PC: variants seen among roughly 807,000 people sequenced by gnomAD.
PC encodes pyruvate carboxylase, mitochondrial.
PC carries 46 observed loss-of-function variants against 107.8 expected under a neutral mutation model. The ratio of observed to expected loss-of-function variants is 0.43; its 90% CI spans 0.34 to 0.55. The LOEUF (loss-of-function observed/expected upper bound fraction) is 0.55, where lower values mean the gene tolerates loss of function less well. Ranked by LOEUF, PC falls within the 20% of genes least tolerant of loss-of-function variation. The pLI is 0.04. For synonymous variants in PC, 662 were observed against 684.7 expected, an observed-to-expected ratio of 0.97 and a Z score of 0.52; for missense variants, 1,241 against 1,643.1, an observed-to-expected ratio of 0.76 and a Z score of 4.23.
At position 66,851,928 on chromosome 11, in the gene PC, G is replaced by C. The variant is rs1363658455; in HGVS notation, c.1844C>G (p.Ala615Gly). 2 of 1,613,918 alleles carry C rather than the reference G, an allele frequency of 1.2e-6. No individual in the cohort carries two copies. The highest frequency in any genetic ancestry group is 1.7e-6 in the Non-Finnish European group (2 of 1,180,026). Reference protein sequence around the residue: ...ENWGGATFDVAMRFLYECPWR... With the variant: ...ENWGGATFDVGMRFLYECPWR... ...GGGGCACTCATACAGGAAGCGCATG[G>C]CGACGTCAAACGTGGCTCCTGCACA... is the stretch of plus-strand genomic sequence containing the variant. Residue 615 changes from alanine (A) to glycine (G), a missense_variant, in exon 16 of 23, where the codon GCC becomes GGC. Around this residue, in one of 2 missense-constraint regions of PC, gnomAD observed 1,143 missense variants for 1,551.9 expected, o/e 0.74. Coordinates refer to ENST00000393960, the MANE Select transcript of PC (RefSeq NM_001040716.2).
At chr11:66,885,034 G>A (rs1000917484) in intron 3 of PC, among the ~76,000 whole-genome samples, 3 of 152,214 alleles carry the variant, frequency 2.0e-5, no homozygotes, top group Non-Finnish European at 4.4e-5. Context: ...GACAGGACAT[G>A]AATGCTGGCT....
At chr11:66,889,792 C>T (rs1947501002) in intron 3 of PC, among the ~76,000 whole-genome samples, 1 of 152,184 alleles carries the variant, frequency 6.6e-6, no homozygotes, top group African/African-American at 2.4e-5. Context: ...GGGTCCTTTT[C>T]TCCTTTTCTC....
Position 66,848,941 on chromosome 11 carries a change from G to C in PC, c.3495C>G (p.Asp1165Glu). 1 of 1,614,056 alleles carries C rather than the reference G, an allele frequency of 6.2e-7. No homozygotes were observed. Among genetic ancestry groups the C allele is most frequent in the Non-Finnish European group, 8.5e-7 (1 of 1,180,036 alleles). Reference sequence around the variant, plus strand: ...TGAGGTCGTCACCTTCCAGTGTCATGTCCTTGGTCACATGAACCTTGCGGA... The same window carrying C: ...TGAGGTCGTCACCTTCCAGTGTCATCTCCTTGGTCACATGAACCTTGCGGA... ...GTVRKVHVTKDMTLEGDDLIL... is the reference protein window; with the variant it reads ...GTVRKVHVTKEMTLEGDDLIL... The change falls in exon 23 of 23, where the codon GAC becomes GAG. Residue 1165 changes from aspartate to glutamate, a missense_variant. This residue lies in a region of PC where 98 missense variants were observed against 91.2 expected (regional missense o/e 1.07). Transcript: ENST00000393960.
At chr11:66,884,919 C>G (rs919668349) in intron 3 of PC, among the ~76,000 whole-genome samples, 2 of 152,210 alleles carry the variant, frequency 1.3e-5, no homozygotes, top group Non-Finnish European at 2.9e-5. Flanking sequence ...CCAGCAGACA[C>G]TTGCAGGTGG....
chr11:66,923,352 G>C (rs927958311), intron 3 of PC, among the ~76,000 whole-genome samples: 11 of 142,394 alleles, frequency 7.7e-5, no homozygotes, highest in African/African-American at 2.9e-4. Context: ...ACAGAGTCTA[G>C]CCTGGGAGAT....
intron 3 of PC, among the ~76,000 whole-genome samples, chr11:66,903,791 T>TATATACACAC (rs1161764120): frequency 1.7e-5 from 2 of 120,460 alleles, no homozygotes; most frequent in African/African-American, 6.2e-5. Flanking sequence ...TATATATATA[T>TATATACACAC]ACACACACCC....
chr11:66,942,298 G>C (rs1020312163), intron 3 of PC, among the ~76,000 whole-genome samples: 1 of 151,060 alleles, frequency 6.6e-6, no homozygotes, highest in African/African-American at 2.4e-5. Flanking sequence ...TCCTCGGGAG[G>C]CTGAGGCAGG....
In PC at chr11:66,868,864, A is replaced by C; in HGVS notation, c.1004T>G (p.Val335Gly). 1 of 1,613,398 alleles carries C rather than the reference A, an allele frequency of 6.2e-7. No homozygotes were observed. The highest frequency in any genetic ancestry group is 8.5e-7 in the Non-Finnish European group (1 of 1,179,662). ...CACTCACTCGGTGATCTCCTCTGTGACCGTGTGCTCCACCTGCAGGCGGGA... is the reference window on the plus strand; with the variant it reads ...CACTCACTCGGTGATCTCCTCTGTGCCCGTGTGCTCCACCTGCAGGCGGGA... ...VNSRLQVEHT[V>G]TEEITDVDLV... The change falls in exon 10 of 23, where the codon GTC becomes GGC. Residue 335 changes from valine to glycine, a missense_variant. Physicochemically the swap from Val to Gly is moderately radical, Grantham distance 109. Around this residue, in one of 2 missense-constraint regions of PC, gnomAD observed 1,143 missense variants for 1,551.9 expected, o/e 0.74. Coordinates refer to ENST00000393960, the MANE Select transcript of PC (RefSeq NM_001040716.2).
At chr11:66,909,361 C>G (rs1053265328) in intron 3 of PC, among the ~76,000 whole-genome samples, 1 of 152,158 alleles carries the variant, frequency 6.6e-6, no homozygotes, top group Non-Finnish European at 1.5e-5. Flanking sequence ...CGTCATGGAC[C>G]CCAGCCATCT....
At position 66,853,196 on chromosome 11, in the gene PC, CGGAGG is replaced by C. The variant is rs373326379; in HGVS notation, c.1513+38_1513+42del. On this transcript the variant is annotated intron_variant, in intron 13 of 22. Transcript: ENST00000393960. Reference sequence around the variant, plus strand: ...GAGGTAGGAGCAAGAGATTGGAGAGCGGAGGGGAGGGGAGGGCAGGGCAGGGCAGT... The same window carrying C: ...GAGGTAGGAGCAAGAGATTGGAGAGCGGAGGGGAGGGCAGGGCAGGGCAGT... 9.3e-4 allele frequency: 1,470 copies of C among 1,581,820 alleles called. 10 individuals carry two copies. The African/African-American group carries it at 0.017, about 18-fold the overall frequency.
intron 1 of PC, among the ~76,000 whole-genome samples, chr11:66,957,556 C>T (rs1393141478): frequency 6.6e-6 from 1 of 152,144 alleles, no homozygotes; most frequent in African/African-American, 2.4e-5. Context: ...GTCGAGACTG[C>T]AGTGAGCCGA....
chr11:66,951,723 C>G (rs774255367), intron 3 of PC, among the ~76,000 whole-genome samples: 2 of 152,002 alleles, frequency 1.3e-5, no homozygotes, highest in Non-Finnish European at 1.5e-5. Flanking sequence ...AACCCCGTCT[C>G]TACTAAAAAT....
chr11:66,865,697 TGCC>T (rs949834355), intron 11 of PC, among the ~76,000 whole-genome samples: 3 of 152,132 alleles, frequency 2.0e-5, no homozygotes, highest in African/African-American at 4.8e-5. Flanking sequence ...CTCCCTCCTG[TGCC>T]GCCATCTCCG....
intron 3 of PC, among the ~76,000 whole-genome samples, chr11:66,937,301 A>T (rs1284594137): frequency 6.6e-6 from 1 of 152,188 alleles, no homozygotes; most frequent in Admixed American, 6.5e-5. Context: ...TGTTCATCCC[A>T]CTATCTCCTG....
rs746756254 is a variant in PC at position 66,850,290 on chromosome 11, A to G, written c.2648T>C (p.Leu883Pro). 6.2e-7 allele frequency: 1 copy of G among 1,614,128 alleles called. No homozygotes were observed. Among genetic ancestry groups the G allele is most frequent in the Non-Finnish European group, 8.5e-7 (1 of 1,180,012 alleles). ...CTTGACCTCCTTGAACTTGGAGCCA[A>G]GCCCCATGCTGTGGGCCTGGAAGTG... is the stretch of plus-strand genomic sequence containing the variant. ...NLHFQAHSMG[L>P]GSKFKEVKKA... Residue 883 changes from leucine (L) to proline (P), a missense_variant, in exon 19 of 23, where the codon CTT becomes CCT. This residue lies in a region of PC where 1,143 missense variants were observed against 1,551.9 expected (regional missense o/e 0.74). Coordinates refer to ENST00000393960, the MANE Select transcript of PC (RefSeq NM_001040716.2).
rs3741194 is a variant in PC at position 66,858,763 on chromosome 11, T to C, written c.1368+5011A>G. 0.24 allele frequency: 379,880 copies of C among 1,550,842 alleles called. 49,530 individuals are homozygous for C. The highest frequency in any genetic ancestry group is 0.27 in the Middle Eastern group (1,639 of 5,978). ...CCCAACGGGACCTTAGAGATTGGGG[T>C]GACCGGCGCTGGGGACGCTGGGGGC... On this transcript the variant is annotated intron_variant, in intron 12 of 22. Transcript: ENST00000393960. The surrounding 1 kb of genome is among the most constrained non-coding windows in gnomAD (Gnocchi z 5.9).
At chr11:66,901,900 A>T (rs1257497238) in intron 3 of PC, among the ~76,000 whole-genome samples, 1 of 152,188 alleles carries the variant, frequency 6.6e-6, no homozygotes, top group African/African-American at 2.4e-5. Flanking sequence ...TCAATTTATT[A>T]AAAATAGTGT....
rs149367710 is a variant in PC, at chr11:66,936,746, C to A, written c.-1+15684G>T. ...TTCATTTAACCTATGTTTTTCACTC[C>A]CTAACTATGTTCCAAACTTGGTGGA... On this transcript the variant is annotated intron_variant, in intron 3 of 22. Transcript: ENST00000393960. Among the ~76,000 whole-genome samples the A allele has an allele frequency of 4.0e-3, 609 of 152,236 alleles. 5 individuals are homozygous for A. Among genetic ancestry groups the A allele is most frequent in the African/African-American group, 0.013 (548 of 41,538 alleles).
intron 1 of PC, among the ~76,000 whole-genome samples, chr11:66,956,060 C>T (rs1358798148): frequency 6.6e-6 from 1 of 152,044 alleles, no homozygotes; most frequent in Middle Eastern, 3.4e-3. Context: ...GGCATGAGCA[C>T]CGCGCCCAGC....
Sources: gnomAD v4.1 joint callset for allele counts (sites outside exome capture counted in the v4.1 genomes callset) on GRCh38, gnomAD v4.1.1 for gene constraint, gnomAD v4.1.1 regional missense constraint, Gnocchi (gnomAD v3.1) non-coding constraint, MANE v1.5 for transcripts, NCBI Gene and HGNC (gene_info 2026-07-23, HGNC 2026-07-21) for gene names.